FNDC3A: variants seen among roughly 807,000 people sequenced by gnomAD.
FNDC3A encodes fibronectin type-III domain-containing protein 3A.
In FNDC3A, 32 loss-of-function variants were observed where a neutral mutation model predicts 148.9. That is an observed-to-expected ratio of 0.21 (90% CI 0.16 to 0.29). The LOEUF (loss-of-function observed/expected upper bound fraction) is 0.29. Ranked by LOEUF, FNDC3A falls within the 10% of genes least tolerant of loss-of-function variation. FNDC3A has a pLI of 1.00. For synonymous variants in FNDC3A, 472 were observed against 473.6 expected (o/e 1.00, Z 0.04); for missense variants, 1,191 against 1,452.8 (o/e 0.82, Z 2.93).
intron 2 of FNDC3A, among the ~76,000 whole-genome samples, chr13:49,062,485 C>A (rs1430437407): frequency 1.3e-5 from 2 of 152,166 alleles, no homozygotes; most frequent in African/African-American, 4.8e-5. Flanking sequence ...ATTTCTCAAA[C>A]TAGTTTAAAT....
At chr13:49,064,607 G>A (rs76130719) in intron 2 of FNDC3A, among the ~76,000 whole-genome samples, 49 of 152,232 alleles carry the variant, frequency 3.2e-4, no homozygotes, top group East Asian at 2.7e-3. Flanking sequence ...GAGAGGATAC[G>A]TCATCACATG....
At chr13:49,162,409 A>G (rs1795090602) in intron 8 of FNDC3A, among the ~76,000 whole-genome samples, 1 of 152,020 alleles carries the variant, frequency 6.6e-6, no homozygotes, top group Non-Finnish European at 1.5e-5. Context: ...CTGGTACTGA[A>G]GCTTGTGCAT....
upstream of FNDC3A, chr13:48,975,807 G>C (rs962657835): frequency 2.0e-5 from 3 of 151,658 alleles, no homozygotes; most frequent in African/African-American, 7.3e-5. Flanking sequence ...TCCGGTGAGA[G>C]AGCCCCGGCG....
intron 14 of FNDC3A, among the ~76,000 whole-genome samples, chr13:49,181,451 T>G (rs1379294719): frequency 6.6e-6 from 1 of 152,176 alleles, no homozygotes. Flanking sequence ...CCTAGCAGTC[T>G]GTTGTGGTAT....
chr13:49,162,759 G>A (rs1302918178), intron 8 of FNDC3A, among the ~76,000 whole-genome samples: 1 of 152,124 alleles, frequency 6.6e-6, no homozygotes, highest in Admixed American at 6.5e-5. Context: ...ATCTACCTTT[G>A]GTCTTTGCTG....
intron 2 of FNDC3A, among the ~76,000 whole-genome samples, chr13:49,009,220 G>A (rs1050892569): frequency 1.3e-5 from 2 of 152,260 alleles, no homozygotes; most frequent in East Asian, 1.9e-4. Context: ...ATGCAATACA[G>A]TATGTAGCCC....
chr13:49,030,330 A>G (rs534205767), intron 2 of FNDC3A, among the ~76,000 whole-genome samples: 1 of 152,300 alleles, frequency 6.6e-6, no homozygotes, highest in African/African-American at 2.4e-5. Context: ...TTTTCATGAT[A>G]AAAACACTCA....
At chr13:49,032,221 T>C (rs1367359222) in intron 2 of FNDC3A, among the ~76,000 whole-genome samples, 2 of 152,200 alleles carry the variant, frequency 1.3e-5, no homozygotes, top group East Asian at 3.9e-4. Flanking sequence ...CTTTGGGAAA[T>C]AGCCTGGCAG....
intron 14 of FNDC3A, among the ~76,000 whole-genome samples, chr13:49,181,919 AAAAC>A (rs1885324755): frequency 6.6e-6 from 1 of 152,324 alleles, no homozygotes; most frequent in African/African-American, 2.4e-5. Flanking sequence ...CCAAAATACT[AAAAC>A]AAGATAAGAA....
chr13:49,094,136 G>C (rs943102008), intron 3 of FNDC3A, among the ~76,000 whole-genome samples: 4 of 152,038 alleles, frequency 2.6e-5, no homozygotes, highest in Non-Finnish European at 4.4e-5. Context: ...GGTGGGGTGG[G>C]GTGACTAATA....
intron 3 of FNDC3A, among the ~76,000 whole-genome samples, chr13:49,109,545 G>GATCTCCA (rs1279325624): frequency 6.6e-6 from 1 of 152,070 alleles, no homozygotes; most frequent in African/African-American, 2.4e-5. Flanking sequence ...AGTAATGAAA[G>GATCTCCA]ATCTCCAAAA....
chr13:49,116,566 G>A (rs1323105362), intron 4 of FNDC3A, among the ~76,000 whole-genome samples: 3 of 152,136 alleles, frequency 2.0e-5, no homozygotes, highest in Admixed American at 6.5e-5. Context: ...AGGCCAAGGC[G>A]GGTGGATTAC....
chr13:49,051,462 C>A (rs904054512), intron 2 of FNDC3A, among the ~76,000 whole-genome samples: 1 of 152,168 alleles, frequency 6.6e-6, no homozygotes, highest in African/African-American at 2.4e-5. Context: ...AAATTCATGA[C>A]TGATAATTGT....
rs1886809320 is a variant in FNDC3A at position 49,209,751 on chromosome 13, T to G, written c.*2356T>G. 1 of 152,222 alleles carries G rather than the reference T, an allele frequency of 6.6e-6. No homozygotes were observed. Among genetic ancestry groups the G allele is most frequent in the Non-Finnish European group, 1.5e-5 (1 of 68,036 alleles). 9.4% of individuals were successfully genotyped at this position (152,222 alleles called of 1,614,324 possible). A position where few individuals can be genotyped will look rare whatever the true frequency, so the allele number is the denominator to read the frequency against. The stretch of plus-strand genomic sequence containing the variant: ...TGTATATTTATTATATAAAGCCCAG[T>G]AAAGAATAAAATTAGAAGTTTTATC... On this transcript the variant is annotated 3_prime_UTR_variant, in exon 26 of 26. Coordinates refer to ENST00000492622, the MANE Select transcript of FNDC3A (RefSeq NM_001079673.2).
chr13:49,000,861 A>G (rs1196327958), intron 1 of FNDC3A, among the ~76,000 whole-genome samples: 2 of 151,902 alleles, frequency 1.3e-5, no homozygotes, highest in African/African-American at 4.8e-5. Context: ...TTTCTTTTTC[A>G]AATTTTCATT....
chr13:49,015,426 T>C (rs1952475616), intron 2 of FNDC3A, among the ~76,000 whole-genome samples: 2 of 152,198 alleles, frequency 1.3e-5, no homozygotes, highest in African/African-American at 4.8e-5. Flanking sequence ...ATAAGGATGC[T>C]TGTGATTTTT....
intron 2 of FNDC3A, among the ~76,000 whole-genome samples, chr13:49,047,106 AAT>A: frequency 6.6e-6 from 1 of 151,924 alleles, no homozygotes; most frequent in Non-Finnish European, 1.5e-5. Flanking sequence ...CACTTAGAAT[AAT>A]AGTCTCCAGT....
intron 2 of FNDC3A, among the ~76,000 whole-genome samples, chr13:49,063,227 C>T (rs2137748041): frequency 1.3e-5 from 2 of 152,116 alleles, no homozygotes; most frequent in South Asian, 4.2e-4. Flanking sequence ...CTAATGTTTC[C>T]TAACATTAAA....
At chr13:49,028,393 G>T (rs755640805) in intron 2 of FNDC3A, among the ~76,000 whole-genome samples, 2 of 151,828 alleles carry the variant, frequency 1.3e-5, no homozygotes, top group African/African-American at 4.8e-5. Flanking sequence ...GGTGCATCCA[G>T]TTACACCCAG....
Sources: allele counts gnomAD v4.1 joint callset (sites outside exome capture counted in the v4.1 genomes callset), GRCh38; gene constraint gnomAD v4.1.1; transcripts MANE v1.5; gene names NCBI Gene and HGNC (gene_info 2026-07-23, HGNC 2026-07-21).